Variants in BTN3A1 observed in about 807,000 individuals in gnomAD.
BTN3A1 encodes butyrophilin subfamily 3 member A1, also known as dJ45P21.3 (butyrophilin, subfamily 3, member A1).
BTN3A1 carries 24 observed loss-of-function variants against 43.0 expected under a neutral mutation model. That is an observed-to-expected ratio of 0.56 (90% confidence interval 0.40 to 0.78). The LOEUF (loss-of-function observed/expected upper bound fraction) is 0.78, where lower values mean the gene tolerates loss of function less well. BTN3A1 is among the 30% of genes least tolerant of loss of function. BTN3A1 has a pLI of 0.00. For synonymous variants in BTN3A1, 181 were observed against 234.7 expected, an observed-to-expected ratio of 0.77 and a Z score of 2.09; for missense variants, 533 against 626.2, an observed-to-expected ratio of 0.85 and a Z score of 1.59.
chr6:26,412,577 A>G (rs1250226313), intron 9 of BTN3A1: 12 of 1,547,122 alleles, frequency 7.8e-6, no homozygotes, highest in Non-Finnish European at 9.6e-6. Context: ...CATAGAGCCC[A>G]GCACAGAGAC....
rs56143200 is a variant in BTN3A1 at position 26,413,951 on chromosome 6, T to A, written c.*259T>A. 1.1e-5 allele frequency: 6 copies of A among 565,904 alleles called. No individual in the cohort carries two copies. The highest frequency in any genetic ancestry group is 6.5e-5 in the Admixed American group (2 of 30,842). The allele number at this position is 565,904 out of a possible 1,614,324, so 35.1% of individuals were successfully genotyped here. On this transcript the variant is annotated 3_prime_UTR_variant, in exon 10 of 10. Transcript: ENST00000289361. ...TGACAGTTGTTTGAGTTTGGTACCATCTTATTTTCCCCTTATACAGATAAG... is the reference window on the plus strand; with the variant it reads ...TGACAGTTGTTTGAGTTTGGTACCAACTTATTTTCCCCTTATACAGATAAG...
At chr6:26,403,007 C>T (rs1040379412) in intron 1 of BTN3A1, among the ~76,000 whole-genome samples, 3 of 152,152 alleles carry the variant, frequency 2.0e-5, no homozygotes, top group Admixed American at 6.5e-5. Flanking sequence ...TTCATCATTT[C>T]CCCCAAACCT....
At position 26,409,313 on chromosome 6, in the gene BTN3A1, G is replaced by A. The variant is rs532372954; in HGVS notation, c.716-220G>A. Among the ~76,000 whole-genome samples the A allele has an allele frequency of 2.6e-5, 4 of 152,316 alleles. 1 individual carries two copies. In the East Asian group the frequency reaches 5.8e-4, roughly 22 times the overall value. On this transcript the variant is annotated intron_variant, in intron 4 of 9. Coordinates refer to ENST00000289361, the MANE Select transcript of BTN3A1 (RefSeq NM_007048.6). The stretch of plus-strand genomic sequence containing the variant: ...CAAGTCACTCACTTTCCACATGAGA[G>A]GCAGACGTCTCAAGAGAAGTAATAG...
At position 26,405,540 on chromosome 6, in the gene BTN3A1, A is replaced by G. The variant is rs1581622900; in HGVS notation, c.-24A>G. ...TCATAGTGTCTGCCCCCCACCTTCC[A>G]GTATCTCCTGATATGCAGCATGAAT... On this transcript the variant is annotated 5_prime_UTR_variant, in exon 2 of 10. Coordinates refer to ENST00000289361, the MANE Select transcript of BTN3A1 (RefSeq NM_007048.6). 2 of 1,611,050 alleles carry G rather than the reference A, an allele frequency of 1.2e-6. No individual in the cohort carries two copies. The highest frequency in any genetic ancestry group is 1.7e-6 in the Non-Finnish European group (2 of 1,177,340).
chr6:26,407,943 T>C lies in BTN3A1; in HGVS notation c.706T>C (p.Ser236Pro). ...LLGLEKTASI[S>P]IADPFFRSAQ... ...CGGCCTGGAAAAGACAGCCAGCATTTCCATCGCAGGTCAGTACCTGCTTGG... is the reference window on the plus strand; with the variant it reads ...CGGCCTGGAAAAGACAGCCAGCATTCCCATCGCAGGTCAGTACCTGCTTGG... Residue 236 changes from serine to proline, a missense_variant, in exon 4 of 10, where the codon TCC (serine) becomes CCC (proline). Coordinates refer to ENST00000289361, the MANE Select transcript of BTN3A1 (RefSeq NM_007048.6). 1.2e-6 allele frequency: 2 copies of C among 1,614,146 alleles called. No individual in the cohort carries two copies. The highest frequency in any genetic ancestry group is 1.7e-6 in the Non-Finnish European group (2 of 1,179,992).
Position 26,405,896 on chromosome 6 carries a change from C to T in BTN3A1, c.86-13C>T. On this transcript the variant is annotated splice_polypyrimidine_tract_variant and intron_variant, in intron 2 of 9. Coordinates refer to ENST00000289361, the MANE Select transcript of BTN3A1 (RefSeq NM_007048.6). Reference sequence around the variant, plus strand: ...CAAAACCCTCTGACAGATCCTCCCCCTTGTGCCTACAGCTCAGTTTTCTGT... The same window carrying T: ...CAAAACCCTCTGACAGATCCTCCCCTTTGTGCCTACAGCTCAGTTTTCTGT... The T allele has an allele frequency of 6.2e-7, 1 of 1,613,764 alleles. No individual in the cohort carries two copies. The highest frequency in any genetic ancestry group is 8.5e-7 in the Non-Finnish European group (1 of 1,179,702).
At chr6:26,406,964 G>C (rs1438414805) in intron 3 of BTN3A1, among the ~76,000 whole-genome samples, 1 of 152,212 alleles carries the variant, frequency 6.6e-6, no homozygotes. Context: ...GACTAAAGCT[G>C]TAATTGATGA....
At position 26,415,205 on chromosome 6, in the gene BTN3A1, C is replaced by G. The variant is rs1391776277; in HGVS notation, c.*1513C>G. ...TTGTTCAATAAATTTGTTAATAATG[C>G]TGACTCTTCAACTTGGCTTTTTCTA... On this transcript the variant is annotated 3_prime_UTR_variant, in exon 10 of 10. Transcript: ENST00000289361. 1 of 152,222 alleles carries G rather than the reference C, an allele frequency of 6.6e-6. No homozygotes were observed. The highest frequency in any genetic ancestry group is 1.5e-5 in the Non-Finnish European group (1 of 68,054). 9.4% of individuals were successfully genotyped at this position (152,222 alleles called of 1,614,324 possible).
chr6:26,413,777 G>A lies in BTN3A1; in HGVS notation c.*85G>A. 1.9e-6 allele frequency: 3 copies of A among 1,602,416 alleles called. No individual in the cohort carries two copies. The South Asian group carries it at 3.3e-5, about 18-fold the overall frequency. ...GTAACCCCGGGCTTAGCTAACGAAA[G>A]TGGGGAGCCTCAGGCTGAAGTAACT... On this transcript the variant is annotated 3_prime_UTR_variant, in exon 10 of 10. Transcript: ENST00000289361.
In BTN3A1 at chr6:26,413,150, T is replaced by C. The variant is rs1003846243; in HGVS notation, c.1019-19T>C. On this transcript the variant is annotated intron_variant, in intron 9 of 9. Transcript: ENST00000289361. Reference sequence around the variant, plus strand: ...GAAAAATGGTTGACCTCATGGACACTTCCTCAAACTCTCTGCAGCGGATGT... The same window carrying C: ...GAAAAATGGTTGACCTCATGGACACCTCCTCAAACTCTCTGCAGCGGATGT... 3.1e-6 allele frequency: 5 copies of C among 1,595,974 alleles called. No homozygotes were observed. Among genetic ancestry groups the C allele is most frequent in the Non-Finnish European group, 3.4e-6 (4 of 1,170,830 alleles).
intron 3 of BTN3A1, among the ~76,000 whole-genome samples, chr6:26,406,614 C>T (rs1762028388): frequency 6.6e-6 from 1 of 152,176 alleles, no homozygotes; most frequent in Non-Finnish European, 1.5e-5. Context: ...TAGGTACATG[C>T]TATTGTGGGC....
In BTN3A1 at chr6:26,407,907, A is replaced by G; in HGVS notation, c.670A>G (p.Ser224Gly). Reference sequence around the variant, plus strand: ...GGAGGGTGTATCCTGTACCATCAGAAGTTCCCTCCTCGGCCTGGAAAAGAC... The same window carrying G: ...GGAGGGTGTATCCTGTACCATCAGAGGTTCCCTCCTCGGCCTGGAAAAGAC... ...SGEGVSCTIR[S>G]SLLGLEKTAS... The change falls in exon 4 of 10, where the codon AGT (serine) becomes GGT (glycine). Residue 224 changes from serine (S) to glycine (G), a missense_variant. By Grantham distance (56) the Ser-to-Gly change is moderately conservative (BLOSUM62 0). Transcript: ENST00000289361. 1 of 1,614,206 alleles carries G rather than the reference A, an allele frequency of 6.2e-7. No individual in the cohort carries two copies.
intron 9 of BTN3A1, chr6:26,412,750 G>T (rs1273829407): frequency 3.3e-5 from 51 of 1,551,292 alleles, no homozygotes; most frequent in Non-Finnish European, 2.7e-5. Context: ...AAATAAATTG[G>T]ATGTATGGAA....
chr6:26,412,012 C>A (rs1413860023), intron 9 of BTN3A1: 1 of 217,816 alleles, frequency 4.6e-6, no homozygotes, highest in Non-Finnish European at 9.0e-6. Context: ...GCTTTGGCCT[C>A]CACATATTTA....
chr6:26,407,589 A>C (rs1762060968), intron 3 of BTN3A1, 82 bp from the exon 4 acceptor site: 36 of 1,483,650 alleles, frequency 2.4e-5, no homozygotes, highest in Non-Finnish European at 3.3e-5. Context: ...TGAATTATGG[A>C]ATGTGAGTGT....
rs1175110461 is a variant in BTN3A1 at position 26,414,448 on chromosome 6, CAG to C, written c.*759_*760del. On this transcript the variant is annotated 3_prime_UTR_variant, in exon 10 of 10. Transcript: ENST00000289361. ...CCCAGCACGCCTTGGATTAGCTCTG[CAG>C]AGTGTCTTGGTTGAGAGAATAACCT... 6.5e-6 allele frequency: 1 copy of C among 152,832 alleles called. No homozygotes were observed. The highest frequency in any genetic ancestry group is 1.5e-5 in the Non-Finnish European group (1 of 68,514). The allele number at this position is 152,832 out of a possible 1,614,324, so 9.5% of individuals were successfully genotyped here. A position where few individuals can be genotyped will look rare whatever the true frequency, so the allele number is the denominator to read the frequency against.
At chr6:26,403,292 C>G (rs1384601566) in intron 1 of BTN3A1, among the ~76,000 whole-genome samples, 1 of 152,166 alleles carries the variant, frequency 6.6e-6, no homozygotes, top group Non-Finnish European at 1.5e-5. Flanking sequence ...TCTCAAACTC[C>G]TGACCTCAGG....
intron 9 of BTN3A1, chr6:26,411,915 C>T (rs931117145): frequency 3.0e-5 from 8 of 269,394 alleles, no homozygotes; most frequent in African/African-American, 1.6e-4. Flanking sequence ...GGAAAGGAGG[C>T]GATGCCTGCC....
intron 5 of BTN3A1, 23 bp downstream of exon 5, chr6:26,409,756 C>T (rs1289663162): frequency 6.3e-6 from 10 of 1,576,162 alleles, no homozygotes; most frequent in Non-Finnish European, 8.6e-6. Context: ...GGGAGTTTAT[C>T]TGAGCCCCTG....
Sources: gnomAD v4.1 joint callset for allele counts (sites outside exome capture counted in the v4.1 genomes callset) on GRCh38, gnomAD v4.1.1 for gene constraint, MANE v1.5 for transcripts, NCBI Gene and HGNC (gene_info 2026-07-23, HGNC 2026-07-21) for gene names.